The following GTF2IRD2B variants were observed in gnomAD, a reference collection of about 807,000 sequenced individuals.
GTF2IRD2B encodes the protein GTF2I repeat domain containing 2B.
Under a neutral mutation model 55.6 loss-of-function variants are expected in GTF2IRD2B, and 10 were observed. That is an observed-to-expected ratio of 0.18 (90% confidence interval 0.11 to 0.31). GTF2IRD2B has a LOEUF of 0.31. Among genes scored for constraint, GTF2IRD2B ranks in the 10% least tolerant of loss-of-function variants. The probability of loss-of-function intolerance (pLI) is 1.00; values close to 1 mark genes in which losing one functional copy is unlikely to be tolerated. For synonymous variants in GTF2IRD2B, 107 were observed against 320.5 expected, an observed-to-expected ratio of 0.33 and a Z score of 7.12; for missense variants, 206 against 802.7, an observed-to-expected ratio of 0.26 and a Z score of 8.98.
intron 4 of GTF2IRD2B, among the ~76,000 whole-genome samples, chr7:75,121,488 T>G (rs2523365): frequency 0.069 from 9,921 of 142,908 alleles, 2 homozygotes; most frequent in African/African-American, 0.22. Flanking sequence ...GAGAGGAGTC[T>G]TGCTCTGACA....
intron 1 of GTF2IRD2B, among the ~76,000 whole-genome samples, chr7:75,104,175 G>T (rs1351934883): frequency 7.3e-6 from 1 of 137,258 alleles, no homozygotes; most frequent in Non-Finnish European, 1.6e-5. Context: ...CCACCTGGAG[G>T]GCAGTGGCAC....
rs1348121375 is a variant in GTF2IRD2B at position 75,106,956 on chromosome 7, A to G, written c.-5-2004A>G. Among the ~76,000 whole-genome samples the G allele has an allele frequency of 1.4e-4, 21 of 151,470 alleles. 1 individual carries two copies. The highest frequency in any genetic ancestry group is 4.8e-4 in the African/African-American group (20 of 41,476). On this transcript the variant is annotated intron_variant, in intron 1 of 15. Transcript: ENST00000472837. ...CAAAACAAACAAAAAGCTAAAAAAAAAAAAAAATCTTGGCAAAATTTAGAG... is the reference window on the plus strand; with the variant it reads ...CAAAACAAACAAAAAGCTAAAAAAAGAAAAAAATCTTGGCAAAATTTAGAG...
chr7:75,117,807 G>A (rs2115756073), intron 3 of GTF2IRD2B, among the ~76,000 whole-genome samples: 1 of 152,376 alleles, frequency 6.6e-6, no homozygotes, highest in South Asian at 2.1e-4. Context: ...TATCAGCTGG[G>A]TGTGGTGGCT....
intron 1 of GTF2IRD2B, among the ~76,000 whole-genome samples, chr7:75,106,317 C>T (rs1406998812): frequency 3.3e-5 from 5 of 152,236 alleles, no homozygotes; most frequent in African/African-American, 9.6e-5. Context: ...GCAGGAGAAT[C>T]GCTTGAACCC....
chr7:75,135,202 CG>C (rs1808799292), intron 10 of GTF2IRD2B, 145 bp downstream of exon 10: 1 of 473,782 alleles, frequency 2.1e-6, no homozygotes, highest in African/African-American at 2.3e-5. Flanking sequence ...GGCGCAATCT[CG>C]GCTCACTACA....
chr7:75,148,796 G>A lies in GTF2IRD2B; in HGVS notation c.2349G>A (p.Leu783=), dbSNP rs1442311048. The A allele has an allele frequency of 6.4e-7, 1 of 1,552,764 alleles. No individual in the cohort carries two copies. Among genetic ancestry groups the A allele is most frequent in the African/African-American group, 1.4e-5 (1 of 73,490 alleles). The change falls in exon 16 of 16, where the codon CTG becomes CTA. Residue 783 remains leucine (L), a synonymous_variant. Coordinates refer to ENST00000472837, the MANE Select transcript of GTF2IRD2B (RefSeq NM_001003795.3). ...HSQIVTQMYD[L]IRAFLAKLCL... ...AAATCGTCACGCAGATGTATGACCT[G>A]ATCCGGGCGTTCCTAGCAAAACTGT...
intron 8 of GTF2IRD2B, among the ~76,000 whole-genome samples, chr7:75,132,703 C>A (rs1185612640): frequency 2.1e-5 from 3 of 142,732 alleles, no homozygotes; most frequent in Non-Finnish European, 4.5e-5. Context: ...CAGGCGTCCG[C>A]CACCACTCCC....
intron 6 of GTF2IRD2B, chr7:75,123,835 G>A (rs1273760396): frequency 5.3e-6 from 2 of 379,166 alleles, no homozygotes; most frequent in Non-Finnish European, 1.0e-5. Context: ...CGGAGATCGC[G>A]CCACTGCACT....
chr7:75,104,885 CAG>C (rs1485716087), intron 1 of GTF2IRD2B, among the ~76,000 whole-genome samples: 9 of 152,300 alleles, frequency 5.9e-5, no homozygotes, highest in Non-Finnish European at 1.3e-4. Context: ...GTTGCCAGAA[CAG>C]AGTCTTTGCT....
intron 8 of GTF2IRD2B, among the ~76,000 whole-genome samples, chr7:75,132,185 T>C: frequency 7.0e-6 from 1 of 141,856 alleles, no homozygotes; most frequent in African/African-American, 3.0e-5. Context: ...CAGCCCGGCC[T>C]ACATGGTGAA....
intron 8 of GTF2IRD2B, among the ~76,000 whole-genome samples, chr7:75,127,018 CAAAAACAAA>C (rs1177161239): frequency 4.0e-5 from 3 of 75,008 alleles, no homozygotes; most frequent in Non-Finnish European, 6.3e-5. Context: ...AAAACAAAAA[CAAAAACAAA>C]AAAAACAAAA....
At chr7:75,134,774 C>T (rs1304405475) in intron 9 of GTF2IRD2B, among the ~76,000 whole-genome samples, 1 of 142,004 alleles carries the variant, frequency 7.0e-6, no homozygotes, top group Admixed American at 6.8e-5. Flanking sequence ...ACCATGTTGG[C>T]CAGGCTGGTC....
At chr7:75,123,081 A>G in intron 4 of GTF2IRD2B, 55 bp from the exon 5 acceptor site, 1 of 1,565,632 alleles carries the variant, frequency 6.4e-7, no homozygotes, top group Non-Finnish European at 8.6e-7. Flanking sequence ...CAAAAAAAAA[A>G]AACTGGTAGA....
intron 3 of GTF2IRD2B, among the ~76,000 whole-genome samples, chr7:75,113,816 G>GTA (rs1270660781): frequency 7.3e-6 from 1 of 136,112 alleles, no homozygotes; most frequent in Non-Finnish European, 1.6e-5. Context: ...GTGTGTGTGT[G>GTA]TATGTACAGA....
At chr7:75,137,335 C>CA (rs1239498080) in intron 11 of GTF2IRD2B, among the ~76,000 whole-genome samples, 36 of 147,186 alleles carry the variant, frequency 2.4e-4, no homozygotes, top group Admixed American at 6.1e-4. Context: ...ATTAGCTGTG[C>CA]AAAAAAAAAT....
At chr7:75,113,846 T>A (rs1584531353) in intron 3 of GTF2IRD2B, among the ~76,000 whole-genome samples, 1 of 132,682 alleles carries the variant, frequency 7.5e-6, no homozygotes, top group Non-Finnish European at 1.6e-5. Flanking sequence ...CTCTATGGAT[T>A]GGCAGAGGGT....
At chr7:75,100,371 AGCATTGAGTT>A (rs1458361387) in intron 1 of GTF2IRD2B, among the ~76,000 whole-genome samples, 4 of 150,928 alleles carry the variant, frequency 2.7e-5, no homozygotes, top group Non-Finnish European at 5.9e-5. Flanking sequence ...TGCAGACTTA[AGCATTGAGTT>A]AAGAGATCGG....
intron 3 of GTF2IRD2B, among the ~76,000 whole-genome samples, chr7:75,114,506 T>A (rs1196158190): frequency 6.6e-6 from 1 of 150,386 alleles, no homozygotes; most frequent in Non-Finnish European, 1.5e-5. Context: ...CATGGGTATA[T>A]CGTGTGATGC....
chr7:75,101,308 G>A (rs1807545222), intron 1 of GTF2IRD2B, among the ~76,000 whole-genome samples: 2 of 151,030 alleles, frequency 1.3e-5, no homozygotes, highest in African/African-American at 4.9e-5. Context: ...GGAGGCTCAT[G>A]CCTGTAATCC....
Sources: gnomAD v4.1 joint callset for allele counts (sites outside exome capture counted in the v4.1 genomes callset) on GRCh38, gnomAD v4.1.1 for gene constraint, MANE v1.5 for transcripts, NCBI Gene and HGNC (gene_info 2026-07-23, HGNC 2026-07-21) for gene names.